The following SLC35F1 variants were observed in gnomAD, a reference collection of about 807,000 sequenced individuals.
The protein encoded by SLC35F1 is chromosome 6 open reading frame 169.
SLC35F1 carries 14 observed loss-of-function variants against 48.7 expected under a neutral mutation model. The ratio of observed to expected loss-of-function variants is 0.29; its 90% confidence interval spans 0.19 to 0.45. The LOEUF (loss-of-function observed/expected upper bound fraction) is 0.45. SLC35F1 is among the 20% of genes least tolerant of loss of function. SLC35F1 has a pLI of 1.00. For missense variants in SLC35F1, 404 were observed against 500.0 expected, an observed-to-expected ratio of 0.81 and a Z score of 1.83; for synonymous variants, 190 against 202.2, an observed-to-expected ratio of 0.94 and a Z score of 0.51.
chr6:117,908,410 G>A (rs1775722820), intron 1 of SLC35F1, among the ~76,000 whole-genome samples: 1 of 152,236 alleles, frequency 6.6e-6, no homozygotes, highest in African/African-American at 2.4e-5. Context: ...AGCCTAGCAG[G>A]CGGAGGGAAC....
chr6:118,304,122 T>C lies in SLC35F1; in HGVS notation c.1003-9906T>C, dbSNP rs146346279. Among the ~76,000 whole-genome samples the C allele has an allele frequency of 7.2e-3, 1,104 of 152,306 alleles. 5 individuals carry two copies. Among genetic ancestry groups the C allele is most frequent in the Middle Eastern group, 0.014 (4 of 294 alleles). ...TGCTAGAGTTACTCATATATGCTCA[T>C]GGGTGCTCAAACATGATTTGTGCCA... On this transcript the variant is annotated intron_variant, in intron 7 of 7. Transcript: ENST00000360388.
chr6:118,080,161 T>C (rs1772884796), intron 1 of SLC35F1, among the ~76,000 whole-genome samples: 1 of 152,194 alleles, frequency 6.6e-6, no homozygotes, highest in Admixed American at 6.5e-5. Context: ...GTTTCATCAA[T>C]TCAGTAAGTG....
intron 1 of SLC35F1, among the ~76,000 whole-genome samples, chr6:118,042,920 T>G (rs1198450495): frequency 6.6e-6 from 1 of 152,120 alleles, no homozygotes; most frequent in Admixed American, 6.6e-5. Context: ...TGGAGGAACA[T>G]GGTTAAAGGA....
rs1403236726 is a variant in SLC35F1 at position 118,316,559 on chromosome 6, C to T, written c.*2307C>T. 6.6e-6 allele frequency: 1 copy of T among 152,510 alleles called. No individual in the cohort carries two copies. Among genetic ancestry groups the T allele is most frequent in the Non-Finnish European group, 1.5e-5 (1 of 68,018 alleles). The allele number at this position is 152,510 out of a possible 1,614,324, so 9.4% of individuals were successfully genotyped here. ...TTTCATCTTTGATTCATTTTTATGA[C>T]ATTAATTTGTAGACACTTAGTAAAG... On this transcript the variant is annotated 3_prime_UTR_variant, in exon 8 of 8. Coordinates refer to ENST00000360388, the MANE Select transcript of SLC35F1 (RefSeq NM_001029858.4).
intron 4 of SLC35F1, among the ~76,000 whole-genome samples, chr6:118,267,862 C>T (rs79634126): frequency 0.04 from 6,063 of 152,096 alleles, 419 homozygotes; most frequent in African/African-American, 0.14. Context: ...TCCAGAAGAC[C>T]CTTTTTAAAG....
Position 118,109,483 on chromosome 6 carries a change from A to T in SLC35F1, c.174-44962A>T, listed in dbSNP as rs565219338. Among the ~76,000 whole-genome samples the T allele has an allele frequency of 7.2e-5, 11 of 152,318 alleles. No individual in the cohort carries two copies. The East Asian group carries it at 2.1e-3, about 29-fold the overall frequency. Reference sequence around the variant, plus strand: ...CATAAACTTCAGCTGATAACTATCTAGAAAAAAGCCACACCATTTTCTACA... The same window carrying T: ...CATAAACTTCAGCTGATAACTATCTTGAAAAAAGCCACACCATTTTCTACA... On this transcript the variant is annotated intron_variant, in intron 1 of 7. Transcript: ENST00000360388.
chr6:118,097,371 G>A (rs1338270686), intron 1 of SLC35F1, among the ~76,000 whole-genome samples: 4 of 152,224 alleles, frequency 2.6e-5, no homozygotes, highest in Non-Finnish European at 5.9e-5. Flanking sequence ...CTCCAGGCAG[G>A]AGAGTTTGCC....
intron 3 of SLC35F1, among the ~76,000 whole-genome samples, chr6:118,261,427 A>G (rs73512524): frequency 0.049 from 7,455 of 152,256 alleles, 640 homozygotes; most frequent in African/African-American, 0.17. Flanking sequence ...ACAAATATGC[A>G]TATATACATA....
intron 1 of SLC35F1, among the ~76,000 whole-genome samples, chr6:118,009,180 C>T (rs569489952): frequency 1.3e-5 from 2 of 152,140 alleles, no homozygotes; most frequent in Non-Finnish European, 2.9e-5. Context: ...GCACTGTGCT[C>T]ACACTTGGGA....
At chr6:118,268,999 C>A (rs1186580288) in intron 4 of SLC35F1, among the ~76,000 whole-genome samples, 1 of 152,158 alleles carries the variant, frequency 6.6e-6, no homozygotes, top group Non-Finnish European at 1.5e-5. Context: ...GTTATAAAAA[C>A]TCTATCTTCA....
chr6:117,970,113 G>A (rs1388361252), intron 1 of SLC35F1, among the ~76,000 whole-genome samples: 3 of 152,182 alleles, frequency 2.0e-5, no homozygotes, highest in Non-Finnish European at 4.4e-5. Flanking sequence ...TGATGCTGAG[G>A]TTGTTGTAAT....
intron 3 of SLC35F1, among the ~76,000 whole-genome samples, chr6:118,237,573 A>G (rs1032154549): frequency 2.0e-5 from 3 of 152,122 alleles, no homozygotes; most frequent in Non-Finnish European, 4.4e-5. Context: ...TAGTTTTTCT[A>G]GAGATGGGAT....
chr6:118,305,298 C>T (rs950826453), intron 7 of SLC35F1, among the ~76,000 whole-genome samples: 5 of 151,556 alleles, frequency 3.3e-5, no homozygotes, highest in African/African-American at 1.2e-4. Context: ...GTGAGGCTCA[C>T]CCCACCCACA....
rs1775705045 is a variant in SLC35F1 at position 117,907,602 on chromosome 6, C to G, written c.-125C>G. On this transcript the variant is annotated 5_prime_UTR_variant, in exon 1 of 8. Transcript: ENST00000360388. ...GGTGCCTCCCCGCCTCACCGCTTCG[C>G]AGGCAGCACCGCCTCCCGGGCCGCG... is the stretch of plus-strand genomic sequence containing the variant. 2.0e-6 allele frequency: 1 copy of G among 487,906 alleles called. No individual in the cohort carries two copies. The highest frequency in any genetic ancestry group is 3.4e-6 in the Non-Finnish European group (1 of 297,144). 30.2% of individuals were successfully genotyped at this position (487,906 alleles called of 1,614,324 possible).
chr6:118,034,196 C>CT (rs1042162084), intron 1 of SLC35F1, among the ~76,000 whole-genome samples: 1 of 151,932 alleles, frequency 6.6e-6, no homozygotes, highest in African/African-American at 2.4e-5. Flanking sequence ...GTCACTGTTA[C>CT]TTTTTTTTAA....
intron 1 of SLC35F1, among the ~76,000 whole-genome samples, chr6:117,932,032 A>G (rs1259548133): frequency 6.6e-6 from 1 of 152,210 alleles, no homozygotes; most frequent in Non-Finnish European, 1.5e-5. Context: ...TGCCCTCATC[A>G]ATGGCATTGA....
intron 1 of SLC35F1, among the ~76,000 whole-genome samples, chr6:117,950,675 G>T (rs544930061): frequency 4.6e-4 from 70 of 152,282 alleles, no homozygotes; most frequent in Admixed American, 7.8e-4. Context: ...AAGTAAAATA[G>T]ATGATTTCCA....
At chr6:118,269,469 A>G (rs746526659) in intron 4 of SLC35F1, among the ~76,000 whole-genome samples, 4 of 152,220 alleles carry the variant, frequency 2.6e-5, no homozygotes, top group Admixed American at 6.5e-5. Context: ...GACTCATTTT[A>G]TAAAATTATG....
At chr6:118,250,558 G>T (rs948297532) in intron 3 of SLC35F1, among the ~76,000 whole-genome samples, 1 of 152,202 alleles carries the variant, frequency 6.6e-6, no homozygotes, top group African/African-American at 2.4e-5. Context: ...CCCTCAGGGG[G>T]CACCTAATCT....
Sources: allele counts gnomAD v4.1 joint callset (sites outside exome capture counted in the v4.1 genomes callset), GRCh38; gene constraint gnomAD v4.1.1; transcripts MANE v1.5; gene names NCBI Gene and HGNC (gene_info 2026-07-23, HGNC 2026-07-21).